Variants in SUCO observed in about 807,000 individuals in gnomAD.
The protein encoded by SUCO is SUN domain-containing ossification factor.
Under a neutral mutation model 148.1 loss-of-function variants are expected in SUCO, and 57 were observed. The ratio of observed to expected loss-of-function variants is 0.38; its 90% CI spans 0.31 to 0.48. The LOEUF (loss-of-function observed/expected upper bound fraction) is 0.48, where lower values mean the gene tolerates loss of function less well. Among genes scored for constraint, SUCO ranks in the 20% least tolerant of loss-of-function variants. The pLI is 0.96. For synonymous variants in SUCO, 470 were observed against 502.7 expected (o/e 0.93, Z 0.87); for missense variants, 1,331 against 1,468.2 (o/e 0.91, Z 1.53).
chr1:172,570,890 C>T (rs1365972928), intron 9 of SUCO, 160 bp downstream of exon 9: 5 of 512,008 alleles, frequency 9.8e-6, no homozygotes, highest in African/African-American at 2.0e-5. Context: ...CCTTCCTTTC[C>T]TTTTGAGGAG....
intron 2 of SUCO, 194 bp downstream of exon 2, chr1:172,551,820 T>G: frequency 2.0e-6 from 1 of 505,540 alleles, no homozygotes. Flanking sequence ...TTCTTGTTGC[T>G]TGTATTTGGA....
chr1:172,583,808 T>C lies in SUCO; in HGVS notation c.1499-1210T>C, dbSNP rs575611225. 9.2e-5 allele frequency among the ~76,000 whole-genome samples: 14 copies of C among 152,270 alleles called. No individual in the cohort carries two copies. The South Asian group carries it at 2.9e-3, about 32-fold the overall frequency. On this transcript the variant is annotated intron_variant, in intron 15 of 23. Coordinates refer to ENST00000263688, the MANE Select transcript of SUCO (RefSeq NM_014283.5). ...ACTGGGAATGAAAGTTAATTTCACT[T>C]GAAATTACATCACATTACTGGAAGG...
At position 172,557,682 on chromosome 1, in the gene SUCO, A is replaced by T. The variant is rs777359225; in HGVS notation, c.620A>T (p.His207Leu). ...GQHIENVSSSHGKGKITKSEF... is the reference protein window; with the variant it reads ...GQHIENVSSSLGKGKITKSEF... The stretch of plus-strand genomic sequence containing the variant: ...CATATAGAAAATGTATCATCTTCAC[A>T]TGGTAAAGGAAAGATAACAAAATCA... The change falls in exon 6 of 24, where the codon CAT becomes CTT. Residue 207 changes from histidine (H) to leucine (L), a missense_variant. Transcript: ENST00000263688. 2.5e-6 allele frequency: 4 copies of T among 1,612,158 alleles called. No homozygotes were observed. Among genetic ancestry groups the T allele is most frequent in the Non-Finnish European group, 1.7e-6 (2 of 1,179,356 alleles).
In SUCO at chr1:172,610,205, CAA is replaced by C; in HGVS notation, c.3713_3714del (p.Lys1238ArgfsTer50). 2.5e-6 allele frequency: 4 copies of C among 1,611,636 alleles called. No homozygotes were observed. The highest frequency in any genetic ancestry group is 3.4e-6 in the Non-Finnish European group (4 of 1,179,318). ...PSLHDIIKGN[K>X]EITVGTFGVT... ...GCCTGCATGACATAATCAAAGGAAACAAAGAGATCACCGTGGGAACATTTGGT... is the reference window on the plus strand; with the variant it reads ...GCCTGCATGACATAATCAAAGGAAACAGAGATCACCGTGGGAACATTTGGT... On this transcript the variant is annotated frameshift_variant, in exon 24 of 24. Coordinates refer to ENST00000263688, the MANE Select transcript of SUCO (RefSeq NM_014283.5). LOFTEE classifies it high-confidence loss of function.
chr1:172,590,013 T>A, intron 18 of SUCO, 87 bp downstream of exon 18: 1 of 1,125,256 alleles, frequency 8.9e-7, no homozygotes. Flanking sequence ...GGAGAGGATT[T>A]AATTATCTCA....
At chr1:172,566,524 G>A (rs568034651) in intron 6 of SUCO, among the ~76,000 whole-genome samples, 1 of 152,262 alleles carries the variant, frequency 6.6e-6, no homozygotes, top group Non-Finnish European at 1.5e-5. Context: ...GGGCAAGCTG[G>A]TGGTGTTAAA....
At position 172,564,013 on chromosome 1, in the gene SUCO, G is replaced by A. The variant is rs1654374833; in HGVS notation, c.733-5006G>A. Among the ~76,000 whole-genome samples the A allele has an allele frequency of 2.0e-5, 3 of 152,376 alleles. 1 individual carries two copies. The highest frequency in any genetic ancestry group is 4.1e-4 in the South Asian group (2 of 4,834). On this transcript the variant is annotated intron_variant, in intron 6 of 23. Transcript: ENST00000263688. ...TTGCTTCAAAGGGTGCAAGCCCCGAGCCTTTGCAGCTTCCGTGTGATATTG... is the reference window on the plus strand; with the variant it reads ...TTGCTTCAAAGGGTGCAAGCCCCGAACCTTTGCAGCTTCCGTGTGATATTG...
At chr1:172,575,679 C>A in intron 11 of SUCO, 56 bp downstream of exon 11, 1 of 1,132,328 alleles carries the variant, frequency 8.8e-7, no homozygotes, top group Non-Finnish European at 1.3e-6. Context: ...GTGTTATTCA[C>A]ACTTTATACA....
intron 2 of SUCO, chr1:172,552,602 A>AT: frequency 1.0e-6 from 1 of 978,868 alleles, no homozygotes; most frequent in Non-Finnish European, 1.2e-6. Flanking sequence ...TATGTTGGAT[A>AT]TATTTCTGGG....
At chr1:172,562,054 A>G (rs1314081242) in intron 6 of SUCO, among the ~76,000 whole-genome samples, 17 of 152,152 alleles carry the variant, frequency 1.1e-4, no homozygotes, top group Admixed American at 1.1e-3. Flanking sequence ...AAAAGCCAAA[A>G]TAAGTTACAC....
Position 172,600,166 on chromosome 1 carries a change from G to T in SUCO, c.3016G>T (p.Glu1006Ter). The T allele has an allele frequency of 6.2e-7, 1 of 1,605,998 alleles. No homozygotes were observed. The part of the protein sequence containing the change: ...LSATVAELKR[E>*]VSDRQSYLVI... ...AGCAACAGTAGCAGAATTGAAACGGGAGGTAATTGTTATTGCTGGTATTGC... is the reference window on the plus strand; with the variant it reads ...AGCAACAGTAGCAGAATTGAAACGGTAGGTAATTGTTATTGCTGGTATTGC... The change falls in exon 20 of 24, where the codon GAG (glutamate) becomes TAG (stop). Residue 1006 changes from glutamate to a stop codon, truncating the protein, a stop_gained and splice_region_variant. Transcript: ENST00000263688. LOFTEE classifies it high-confidence loss of function.
chr1:172,578,747 G>C (rs1655650193), intron 14 of SUCO, among the ~76,000 whole-genome samples: 1 of 152,022 alleles, frequency 6.6e-6, no homozygotes, highest in South Asian at 2.1e-4. Flanking sequence ...ATGAGCCTAA[G>C]AGCAAGCACA....
chr1:172,575,127 G>GT (rs927928754), intron 10 of SUCO, among the ~76,000 whole-genome samples: 5 of 151,952 alleles, frequency 3.3e-5, no homozygotes, highest in African/African-American at 1.2e-4. Flanking sequence ...GGTTTTAAAA[G>GT]TTTTTTCTTC....
rs907344997 is a variant in SUCO at position 172,603,033 on chromosome 1, C to G, written c.3265+246C>G. 13 of 413,724 alleles carry G rather than the reference C, an allele frequency of 3.1e-5. No homozygotes were observed. In the Middle Eastern group the frequency reaches 2.6e-3, roughly 83 times the overall value. The allele number at this position is 413,724 out of a possible 1,614,324, so 25.6% of individuals were successfully genotyped here. ...CAGTTGGTAGCTTTGTTTGCACATG[C>G]TCCTGTTTAGAAGTATTTCTTTTTA... On this transcript the variant is annotated intron_variant, in intron 22 of 23. Transcript: ENST00000263688.
chr1:172,575,038 C>G (rs1655330586), intron 10 of SUCO: 3 of 252,734 alleles, frequency 1.2e-5, no homozygotes, highest in Non-Finnish European at 1.9e-5. Flanking sequence ...TTTCAGTAAA[C>G]AGATATAATA....
In SUCO at chr1:172,573,906, T is replaced by A; in HGVS notation, c.1065T>A (p.Leu355=). ...CSTKIWFVIE[L]CEPIQVKQLD... ...CTTTTTGAAGGTTTGTTATTGAACT[T>A]TGTGAACCAATTCAAGTAAAACAGC... The change falls in exon 10 of 24, where the codon CTT becomes CTA. Residue 355 remains leucine, a synonymous_variant. Coordinates refer to ENST00000263688, the MANE Select transcript of SUCO (RefSeq NM_014283.5). 6.3e-7 allele frequency: 1 copy of A among 1,586,962 alleles called. No homozygotes were observed. The highest frequency in any genetic ancestry group is 8.6e-7 in the Non-Finnish European group (1 of 1,158,856).
intron 3 of SUCO, chr1:172,555,455 T>C (rs1169689552): frequency 1.0e-6 from 1 of 971,972 alleles, no homozygotes; most frequent in Non-Finnish European, 1.2e-6. Flanking sequence ...CTTGAACATA[T>C]CTTATATCGT....
chr1:172,556,224 A>G (rs1314181570), intron 4 of SUCO, among the ~76,000 whole-genome samples: 1 of 152,214 alleles, frequency 6.6e-6, no homozygotes, highest in Non-Finnish European at 1.5e-5. Context: ...TAACAAGTTT[A>G]TTTAGCTAAC....
rs746278180 is a variant in SUCO at position 172,579,264 on chromosome 1, A to G, written c.1495A>G (p.Thr499Ala). The G allele has an allele frequency of 3.2e-6, 5 of 1,582,040 alleles. No homozygotes were observed. The highest frequency in any genetic ancestry group is 2.2e-5 in the East Asian group (1 of 44,480). The change falls in exon 15 of 24, where the codon ACA (threonine) becomes GCA (alanine). Residue 499 changes from threonine (T) to alanine (A), a missense_variant. Thr to Ala is a moderately conservative substitution (Grantham distance 58, BLOSUM62 0). Around this residue, in one of 3 missense-constraint regions of SUCO, gnomAD observed 992 missense variants for 1,093.5 expected, o/e 0.91. Transcript: ENST00000263688. ...KSSKNLLGSA[T>A]NAILNMVNIA... ...CTCAAAAAATCTTCTTGGTTCTGCT[A>G]CAAGTGAGTATTTTGAGGATTTTCT... is the stretch of plus-strand genomic sequence containing the variant.
Sources: allele counts gnomAD v4.1 joint callset (sites outside exome capture counted in the v4.1 genomes callset), GRCh38; gene constraint gnomAD v4.1.1; regional missense constraint gnomAD v4.1.1; transcripts MANE v1.5; gene names NCBI Gene and HGNC (gene_info 2026-07-23, HGNC 2026-07-21).